Variants in ST3GAL2 observed in about 807,000 individuals in gnomAD.
ST3GAL2 encodes the protein CMP-N-acetylneuraminate-beta-galactosamide-alpha-2,3-sialyltransferase 2.
ST3GAL2 carries 16 observed loss-of-function variants against 37.5 expected under a neutral mutation model. The observed-to-expected ratio is 0.43, with a 90% CI of 0.29 to 0.65. ST3GAL2 has a LOEUF of 0.65. ST3GAL2 is among the 30% of genes least tolerant of loss of function. The pLI, the probability that ST3GAL2 is intolerant of heterozygous loss-of-function variation, is 0.17. For missense variants in ST3GAL2, 383 were observed against 487.8 expected, an observed-to-expected ratio of 0.79 and a Z score of 2.02; for synonymous variants, 238 against 202.9, an observed-to-expected ratio of 1.17 and a Z score of -1.47.
chr16:70,406,725 G>A (rs2047594878), intron 1 of ST3GAL2, among the ~76,000 whole-genome samples: 1 of 151,960 alleles, frequency 6.6e-6, no homozygotes, highest in South Asian at 2.1e-4. Context: ...AGGTTGCGGT[G>A]AGCCAAGATC....
At chr16:70,413,447 G>A (rs2047653163) in intron 1 of ST3GAL2, among the ~76,000 whole-genome samples, 1 of 150,098 alleles carries the variant, frequency 6.7e-6, no homozygotes, top group East Asian at 2.0e-4. Flanking sequence ...CGGGCGCGGT[G>A]GCTCGCGCCT....
chr16:70,387,151 A>C (rs1408427758), intron 4 of ST3GAL2, among the ~76,000 whole-genome samples: 1 of 152,036 alleles, frequency 6.6e-6, no homozygotes, highest in Non-Finnish European at 1.5e-5. Context: ...AGCTACTCAG[A>C]AGGCCGAGGC....
chr16:70,424,040 AGAGT>A (rs1392433545), intron 1 of ST3GAL2, among the ~76,000 whole-genome samples: 1 of 151,880 alleles, frequency 6.6e-6, no homozygotes, highest in African/African-American at 2.4e-5. Context: ...CCTGGGTGAC[AGAGT>A]GAGACTTCGT....
chr16:70,385,624 G>T (rs1330637677), intron 4 of ST3GAL2, among the ~76,000 whole-genome samples: 1 of 151,798 alleles, frequency 6.6e-6, no homozygotes, highest in Non-Finnish European at 1.5e-5. Context: ...GAGGAGTGGG[G>T]GTGATGGCTT....
At position 70,381,444 on chromosome 16, in the gene ST3GAL2, G is replaced by A; in HGVS notation, c.*245C>T. The A allele has an allele frequency of 1.9e-6, 1 of 528,092 alleles. No individual in the cohort carries two copies. The highest frequency in any genetic ancestry group is 3.4e-6 in the Non-Finnish European group (1 of 297,014). 32.7% of individuals were successfully genotyped at this position (528,092 alleles called of 1,614,324 possible). A position where few individuals can be genotyped will look rare whatever the true frequency, so the allele number is the denominator to read the frequency against. On this transcript the variant is annotated 3_prime_UTR_variant, in exon 7 of 7. Transcript: ENST00000342907. ...CCGCCCCCGAAGGCCATTGATTGGA[G>A]GAGACTGGACACAGCGCCGGAAGTT...
chr16:70,398,114 G>A (rs1427158504), intron 2 of ST3GAL2, 78 bp downstream of exon 2: 3 of 1,475,364 alleles, frequency 2.0e-6, no homozygotes, highest in African/African-American at 2.8e-5. Flanking sequence ...AGGCTCTGGG[G>A]GCCAGAAATC....
At chr16:70,426,348 G>A (rs1020888288) in intron 1 of ST3GAL2, among the ~76,000 whole-genome samples, 2 of 145,416 alleles carry the variant, frequency 1.4e-5, no homozygotes, top group African/African-American at 5.1e-5. Flanking sequence ...TGAGGTGAAT[G>A]CCACCACACC....
intron 1 of ST3GAL2, among the ~76,000 whole-genome samples, chr16:70,433,281 C>T (rs756158953): frequency 6.6e-6 from 1 of 152,104 alleles, no homozygotes; most frequent in Non-Finnish European, 1.5e-5. Flanking sequence ...ATCTAGTTCT[C>T]CATCTCCTCC....
At chr16:70,389,730 C>T (rs2047469788) in intron 3 of ST3GAL2, among the ~76,000 whole-genome samples, 1 of 152,138 alleles carries the variant, frequency 6.6e-6, no homozygotes, top group Non-Finnish European at 1.5e-5. Flanking sequence ...TCCCAAAGTG[C>T]TGGGATTACA....
Position 70,400,623 on chromosome 16 carries a change from A to G in ST3GAL2, c.-1003-1090T>C, listed in dbSNP as rs944925186. 14 of 152,430 alleles carry G rather than the reference A, an allele frequency of 9.2e-5. 1 individual carries two copies. Among genetic ancestry groups the G allele is most frequent in the Admixed American group, 2.0e-4 (3 of 15,304 alleles). 9.4% of individuals were successfully genotyped at this position (152,430 alleles called of 1,614,324 possible). On this transcript the variant is annotated intron_variant, in intron 1 of 6. Coordinates refer to ENST00000342907, the MANE Select transcript of ST3GAL2 (RefSeq NM_006927.4). ...TTTGTGGCCACAAAGCCAGCAGGGA[A>G]TGGAACGAGCATATTGCAGTAAGGA...
intron 1 of ST3GAL2, among the ~76,000 whole-genome samples, chr16:70,403,287 G>C (rs927043530): frequency 1.3e-5 from 2 of 152,144 alleles, no homozygotes; most frequent in Admixed American, 6.6e-5. Context: ...TGGAGGCTGT[G>C]GCCTGAGCAA....
intron 2 of ST3GAL2, 63 bp downstream of exon 2, chr16:70,398,129 A>C: frequency 1.9e-6 from 3 of 1,543,124 alleles, no homozygotes; most frequent in Non-Finnish European, 2.6e-6. Flanking sequence ...GAAATCCAAG[A>C]GGGGGCTCTG....
rs746821258 is a variant in ST3GAL2, at chr16:70,398,503, G to A, written c.28C>T (p.Leu10Phe). 4.3e-6 allele frequency: 7 copies of A among 1,611,396 alleles called. No individual in the cohort carries two copies. In the South Asian group the frequency reaches 4.4e-5, roughly 10 times the overall value. Residue 10 changes from leucine to phenylalanine, a missense_variant, in exon 2 of 7, where the codon CTC becomes TTC. Physicochemically the swap from Leu to Phe is conservative, Grantham distance 22. Coordinates refer to ENST00000342907, the MANE Select transcript of ST3GAL2 (RefSeq NM_006927.4). Reference protein sequence around the residue: MKCSLRVWFLSVAFLLVFIM... With the variant: MKCSLRVWFFSVAFLLVFIM... ...AACACCAGCAGGAAGGCCACGGAGA[G>A]GAACCACACCCGCAGGGAGCACTTC... is the stretch of plus-strand genomic sequence containing the variant.
rs2047404345 is a variant in ST3GAL2 at position 70,381,519 on chromosome 16, G to A, written c.*170C>T. 2.7e-6 allele frequency: 2 copies of A among 747,974 alleles called. No homozygotes were observed. The highest frequency in any genetic ancestry group is 3.0e-5 in the Admixed American group (1 of 33,654). 46.3% of individuals were successfully genotyped at this position (747,974 alleles called of 1,614,324 possible). On this transcript the variant is annotated 3_prime_UTR_variant, in exon 7 of 7. Transcript: ENST00000342907. ...GGAGAAACAGAAGCTCCGCCCGACC[G>A]CAGCGCAGATTGGTGCCAGGCCCGG...
At chr16:70,395,243 C>A in intron 2 of ST3GAL2, 68 bp from the exon 3 acceptor site, 1 of 1,413,638 alleles carries the variant, frequency 7.1e-7, no homozygotes, top group South Asian at 1.3e-5. Context: ...GGGGCCCCGG[C>A]CTCCCCTCCT....
intron 1 of ST3GAL2, among the ~76,000 whole-genome samples, chr16:70,416,701 T>G (rs190770506): frequency 3.3e-5 from 5 of 151,580 alleles, no homozygotes; most frequent in African/African-American, 1.2e-4. Context: ...TCTCTGACAT[T>G]CTAGAAGTGA....
chr16:70,421,594 T>C (rs2047714964), intron 1 of ST3GAL2, among the ~76,000 whole-genome samples: 1 of 152,230 alleles, frequency 6.6e-6, no homozygotes, highest in South Asian at 2.1e-4. Context: ...AGCTTTATGA[T>C]ACAGCTTGGG....
chr16:70,415,049 ATTT>A (rs2047666424), intron 1 of ST3GAL2, among the ~76,000 whole-genome samples: 1 of 151,464 alleles, frequency 6.6e-6, no homozygotes, highest in South Asian at 2.1e-4. Context: ...AACTTTTTGT[ATTT>A]TTTAGTAGAG....
intron 3 of ST3GAL2, among the ~76,000 whole-genome samples, chr16:70,390,750 C>G (rs774052222): frequency 1.3e-5 from 2 of 152,238 alleles, no homozygotes; most frequent in Non-Finnish European, 2.9e-5. Context: ...AAGAAGGCTT[C>G]CACTTCCTTT....
Sources: gnomAD v4.1 joint callset for allele counts (sites outside exome capture counted in the v4.1 genomes callset) on GRCh38, gnomAD v4.1.1 for gene constraint, MANE v1.5 for transcripts, NCBI Gene and HGNC (gene_info 2026-07-23, HGNC 2026-07-21) for gene names.